EGFR: variants seen among roughly 807,000 people sequenced by gnomAD.
EGFR encodes the protein avian erythroblastic leukemia viral (v-erb-b) oncogene homolog.
A neutral mutation model predicts 143.0 loss-of-function variants in EGFR; 58 were observed. That is an observed-to-expected ratio of 0.41 (90% CI 0.33 to 0.50). The LOEUF (loss-of-function observed/expected upper bound fraction) is 0.50, where lower values mean the gene tolerates loss of function less well. EGFR is among the 20% of genes least tolerant of loss of function. The probability of loss-of-function intolerance (pLI) is 0.39; values close to 1 mark genes in which losing one functional copy is unlikely to be tolerated. For synonymous variants in EGFR, 613 were observed against 594.4 expected (o/e 1.03, Z -0.45); for missense variants, 1,307 against 1,579.0 (o/e 0.83, Z 2.92).
chr7:55,052,905 G>A (rs1287600031), intron 1 of EGFR, among the ~76,000 whole-genome samples: 1 of 152,134 alleles, frequency 6.6e-6, no homozygotes, highest in Non-Finnish European at 1.5e-5. Flanking sequence ...TCTTTTTCCT[G>A]CTTCATCCAA....
chr7:55,065,566 A>G (rs1361670212), intron 1 of EGFR, among the ~76,000 whole-genome samples: 3 of 152,230 alleles, frequency 2.0e-5, no homozygotes, highest in Non-Finnish European at 2.9e-5. Context: ...GTATTTATTA[A>G]AAGGTTCTGG....
At chr7:55,103,975 T>C (rs1311442999) in intron 1 of EGFR, among the ~76,000 whole-genome samples, 1 of 152,218 alleles carries the variant, frequency 6.6e-6, no homozygotes, top group Non-Finnish European at 1.5e-5. Context: ...TATTTTTCCA[T>C]GCCAGAAGGG....
intron 1 of EGFR, among the ~76,000 whole-genome samples, chr7:55,068,470 T>C (rs928022110): frequency 6.6e-6 from 1 of 152,196 alleles, no homozygotes; most frequent in Admixed American, 6.5e-5. Context: ...AGGCAATGGT[T>C]TTCTTCAGAG....
chr7:55,188,035 G>A, intron 20 of EGFR, among the ~76,000 whole-genome samples: 1 of 152,194 alleles, frequency 6.6e-6, no homozygotes, highest in East Asian at 1.9e-4. Flanking sequence ...AAGGGTGATG[G>A]TGGTCTTGGT....
chr7:55,187,137 G>A (rs1162296264), intron 20 of EGFR, among the ~76,000 whole-genome samples: 1 of 152,180 alleles, frequency 6.6e-6, no homozygotes, highest in Non-Finnish European at 1.5e-5. Flanking sequence ...ACACTGGGGA[G>A]GAGGGGTGGA....
At chr7:55,086,408 G>GA (rs1201200431) in intron 1 of EGFR, among the ~76,000 whole-genome samples, 1 of 152,234 alleles carries the variant, frequency 6.6e-6, no homozygotes, top group Non-Finnish European at 1.5e-5. Flanking sequence ...TTGAGTATGG[G>GA]AAAAAATGAA....
At chr7:55,064,578 T>C (rs1310643272) in intron 1 of EGFR, among the ~76,000 whole-genome samples, 1 of 152,240 alleles carries the variant, frequency 6.6e-6, no homozygotes, top group Non-Finnish European at 1.5e-5. Flanking sequence ...TCTTTGGTTC[T>C]TCAAACTCTC....
chr7:55,099,173 C>A (rs1791655601), intron 1 of EGFR, among the ~76,000 whole-genome samples: 1 of 152,192 alleles, frequency 6.6e-6, no homozygotes, highest in South Asian at 2.1e-4. Flanking sequence ...TCTGTTGATT[C>A]AGTCTCTGGA....
At chr7:55,036,271 T>TGGGGGGG (rs557551216) in intron 1 of EGFR, among the ~76,000 whole-genome samples, 2 of 22,378 alleles carry the variant, frequency 8.9e-5, no homozygotes, top group Non-Finnish European at 8.6e-5. Flanking sequence ...TGTGTGTGTG[T>TGGGGGGG]GGGGGGGGGG....
intron 1 of EGFR, among the ~76,000 whole-genome samples, chr7:55,062,583 G>A (rs1215495516): frequency 6.6e-6 from 1 of 152,096 alleles, no homozygotes; most frequent in South Asian, 2.1e-4. Context: ...ATAACTCCAT[G>A]GTGCTTGCTT....
chr7:55,097,917 A>G (rs550622638), intron 1 of EGFR, among the ~76,000 whole-genome samples: 1 of 152,194 alleles, frequency 6.6e-6, no homozygotes, highest in East Asian at 1.9e-4. Context: ...CTTTCCCCAA[A>G]TTTTTAAAAA....
At chr7:55,131,890 A>G (rs1485405314) in intron 1 of EGFR, among the ~76,000 whole-genome samples, 4 of 151,062 alleles carry the variant, frequency 2.6e-5, no homozygotes, top group Non-Finnish European at 5.9e-5. Flanking sequence ...TCTGTGGCCC[A>G]GTGCTGCAGA....
intron 15 of EGFR, among the ~76,000 whole-genome samples, chr7:55,166,740 GAT>G: frequency 7.2e-6 from 1 of 139,548 alleles, no homozygotes; most frequent in Non-Finnish European, 1.5e-5. Context: ...TGGTGGTAGT[GAT>G]GATGGTGTTG....
In EGFR at chr7:55,019,356, G is replaced by A. The variant is rs1583836261; in HGVS notation, c.79G>A (p.Glu27Lys). The A allele has an allele frequency of 1.3e-6, 2 of 1,510,976 alleles. No homozygotes were observed. Among genetic ancestry groups the A allele is most frequent in the Non-Finnish European group, 1.8e-6 (2 of 1,124,142 alleles). 93.6% of individuals were successfully genotyped at this position (1,510,976 alleles called of 1,614,324 possible). A position where few individuals can be genotyped will look rare whatever the true frequency, so the allele number is the denominator to read the frequency against. The change falls in exon 1 of 28, where the codon GAA becomes AAA. Residue 27 changes from glutamate (E) to lysine (K), a missense_variant. Glu to Lys is a moderately conservative substitution (Grantham distance 56). Coordinates refer to ENST00000275493, the MANE Select transcript of EGFR (RefSeq NM_005228.5). ...CTGCCCGGCGAGTCGGGCTCTGGAG[G>A]AAAAGAAAGGTAAGGGCGTGTCTCG... Reference protein sequence around the residue: ...ALCPASRALEEKKVCQGTSNK... With the variant: ...ALCPASRALEKKKVCQGTSNK...
At chr7:55,032,061 A>C (rs1351733993) in intron 1 of EGFR, among the ~76,000 whole-genome samples, 2 of 152,150 alleles carry the variant, frequency 1.3e-5, no homozygotes, top group African/African-American at 4.8e-5. Context: ...ACTGTTTTCA[A>C]GGTTGATTTT....
intron 1 of EGFR, among the ~76,000 whole-genome samples, chr7:55,113,173 C>T (rs977172594): frequency 1.3e-5 from 2 of 152,140 alleles, no homozygotes; most frequent in African/African-American, 4.8e-5. Context: ...GTTCCTTAAC[C>T]TTCTGTTAAA....
chr7:55,115,584 A>G (rs1177802036), intron 1 of EGFR, among the ~76,000 whole-genome samples: 2 of 152,174 alleles, frequency 1.3e-5, no homozygotes, highest in Non-Finnish European at 2.9e-5. Context: ...TCTGAATCTC[A>G]AGGGGTTCCT....
intron 4 of EGFR, among the ~76,000 whole-genome samples, chr7:55,148,813 T>C (rs572230416): frequency 1.8e-4 from 28 of 152,210 alleles, no homozygotes; most frequent in African/African-American, 6.7e-4. Context: ...ACTGGTGCTT[T>C]ATGGCTACAC....
intron 1 of EGFR, among the ~76,000 whole-genome samples, chr7:55,091,847 AACACACACACACACACACAC>A (rs71014681): frequency 3.0e-5 from 4 of 132,094 alleles, no homozygotes; most frequent in African/African-American, 5.7e-5. Flanking sequence ...ACCCACTGTA[AACACACACACACACACACAC>A]ACACACACAC....
Sources: gnomAD v4.1 joint callset for allele counts (sites outside exome capture counted in the v4.1 genomes callset) on GRCh38, gnomAD v4.1.1 for gene constraint, MANE v1.5 for transcripts, NCBI Gene and HGNC (gene_info 2026-07-23, HGNC 2026-07-21) for gene names.